Variants in ITGA2 observed in about 807,000 individuals in gnomAD.
The protein encoded by ITGA2 is integrin subunit alpha 2, also known as integrin alpha-2.
A neutral mutation model predicts 146.3 loss-of-function variants in ITGA2; 101 were observed. That is an observed-to-expected ratio of 0.69 (90% confidence interval 0.59 to 0.81). The LOEUF (loss-of-function observed/expected upper bound fraction) is 0.81. Ranked by LOEUF, ITGA2 falls within the 40% of genes least tolerant of loss-of-function variation. ITGA2 has a pLI of 0.00. For synonymous variants in ITGA2, 477 were observed against 487.1 expected (o/e 0.98, Z 0.27); for missense variants, 1,281 against 1,402.7 (o/e 0.91, Z 1.39).
chr5:53,065,949 G>C lies in ITGA2; in HGVS notation c.1915G>C (p.Gly639Arg). Residue 639 changes from glycine to arginine, a missense_variant, in exon 15 of 30, where the codon GGT becomes CGT. Coordinates refer to ENST00000296585, the MANE Select transcript of ITGA2 (RefSeq NM_002203.4). ...GGATTCCATCACCGATGTGTCTATT[G>C]GTGCCTTTGGACAAGTGGTTCAACT... ...NGDSITDVSI[G>R]AFGQVVQLWS... The C allele has an allele frequency of 6.2e-7, 1 of 1,612,020 alleles. No individual in the cohort carries two copies. The highest frequency in any genetic ancestry group is 8.5e-7 in the Non-Finnish European group (1 of 1,178,666).
chr5:53,034,497 G>A (rs1206033968), intron 2 of ITGA2, among the ~76,000 whole-genome samples: 1 of 151,272 alleles, frequency 6.6e-6, no homozygotes, highest in Admixed American at 6.6e-5. Context: ...AAGTTTGTGT[G>A]TGCACCTACA....
chr5:53,059,482 C>A (rs1744802416), intron 10 of ITGA2, among the ~76,000 whole-genome samples: 1 of 151,888 alleles, frequency 6.6e-6, no homozygotes, highest in African/African-American at 2.4e-5. Flanking sequence ...TGTCTCATAT[C>A]CGGCTGTGAG....
At chr5:53,010,841 A>G (rs962822196) in intron 1 of ITGA2, among the ~76,000 whole-genome samples, 9 of 152,118 alleles carry the variant, frequency 5.9e-5, no homozygotes, top group Non-Finnish European at 1.2e-4. Flanking sequence ...GTGGTTAAGG[A>G]TCTTGAGATG....
chr5:53,075,429 T>C (rs1745618211), intron 23 of ITGA2, 125 bp downstream of exon 23: 6 of 812,248 alleles, frequency 7.4e-6, no homozygotes, highest in South Asian at 2.9e-5. Flanking sequence ...TTAAAATTCT[T>C]GTCAACTAAA....
chr5:53,025,816 C>A (rs1742916682), intron 1 of ITGA2, among the ~76,000 whole-genome samples: 1 of 152,154 alleles, frequency 6.6e-6, no homozygotes, highest in African/African-American at 2.4e-5. Context: ...GGCATATTCC[C>A]ATCTCCAGAG....
Position 53,017,760 on chromosome 5 carries a change from T to C in ITGA2, c.65-8988T>C, listed in dbSNP as rs368604777. 1.3e-3 allele frequency among the ~76,000 whole-genome samples: 196 copies of C among 152,110 alleles called. 2 individuals are homozygous for C. In the South Asian group the frequency reaches 0.027, roughly 21 times the overall value. ...CATAGCAGGCTGCCCACACATCAGC[T>C]GGGGGTATGGTAGGATGAGCATGCA... On this transcript the variant is annotated intron_variant, in intron 1 of 29. Transcript: ENST00000296585.
At chr5:53,060,696 G>A (rs766722680) in intron 11 of ITGA2, among the ~76,000 whole-genome samples, 10 of 151,910 alleles carry the variant, frequency 6.6e-5, no homozygotes, top group Non-Finnish European at 1.3e-4. Context: ...AGTCCCACCT[G>A]CAAAGGGAAG....
intron 28 of ITGA2, among the ~76,000 whole-genome samples, chr5:53,088,401 A>C (rs963760493): frequency 2.0e-5 from 3 of 152,104 alleles, no homozygotes; most frequent in Non-Finnish European, 4.4e-5. Context: ...AAAAGTAAAG[A>C]AAGGCTGGGC....
chr5:53,002,200 AT>A (rs940179673), intron 1 of ITGA2, among the ~76,000 whole-genome samples: 4 of 152,212 alleles, frequency 2.6e-5, no homozygotes, highest in East Asian at 1.9e-4. Context: ...AGTATAAAAC[AT>A]TTTTGACCAA....
rs1357271743 is a variant in ITGA2 at position 53,077,625 on chromosome 5, T to C, written c.2826-1147T>C. Among the ~76,000 whole-genome samples the C allele has an allele frequency of 2.6e-5, 4 of 152,096 alleles. No homozygotes were observed. The South Asian group carries it at 6.2e-4, about 24-fold the overall frequency. On this transcript the variant is annotated intron_variant, in intron 23 of 29. Coordinates refer to ENST00000296585, the MANE Select transcript of ITGA2 (RefSeq NM_002203.4). ...AATTCATGCACACACATCCAAGCTT[T>C]CTGTTTCAAATCCTAGTCAGTTTTC...
At chr5:53,057,226 G>A (rs1744682098) in intron 9 of ITGA2, among the ~76,000 whole-genome samples, 1 of 151,896 alleles carries the variant, frequency 6.6e-6, no homozygotes, top group South Asian at 2.1e-4. Flanking sequence ...GGACTTTGGG[G>A]AACATTATTC....
intron 1 of ITGA2, among the ~76,000 whole-genome samples, chr5:53,021,146 T>C (rs2111788822): frequency 6.6e-6 from 1 of 152,330 alleles, no homozygotes; most frequent in South Asian, 2.1e-4. Context: ...CGTTAAGCAC[T>C]GTCATCTTCT....
At position 53,065,846 on chromosome 5, in the gene ITGA2, C is replaced by T. The variant is rs563738326; in HGVS notation, c.1812C>T (p.Ile604=). 1.3e-4 allele frequency: 213 copies of T among 1,611,774 alleles called. 3 individuals are homozygous for T. The South Asian group carries it at 2.1e-3, about 16-fold the overall frequency. ...GTIRTKYSQK[I]LGSDGAFRSH... ...TGTCAAACCTGCTCTTTTAGAAAAT[C>T]TTGGGATCCGATGGAGCCTTTAGGA... Residue 604 remains isoleucine (I), a synonymous_variant, in exon 15 of 30, where the codon ATC becomes ATT. Transcript: ENST00000296585.
In ITGA2 at chr5:53,081,727, C is replaced by T. The variant is rs201144927; in HGVS notation, c.3144+31C>T. 4.6e-5 allele frequency: 65 copies of T among 1,424,344 alleles called. 1 individual carries two copies. In the South Asian group the frequency reaches 7.1e-4, roughly 16 times the overall value. 88.2% of individuals were successfully genotyped at this position (1,424,344 alleles called of 1,614,324 possible). On this transcript the variant is annotated intron_variant, in intron 26 of 29. Coordinates refer to ENST00000296585, the MANE Select transcript of ITGA2 (RefSeq NM_002203.4). ...GACAAGTTAACGTGTGAAAGCTCCCCTCATTCATTTATTTCACCTGTGATC... is the reference window on the plus strand; with the variant it reads ...GACAAGTTAACGTGTGAAAGCTCCCTTCATTCATTTATTTCACCTGTGATC...
intron 16 of ITGA2, among the ~76,000 whole-genome samples, chr5:53,069,215 G>T (rs964450841): frequency 4.0e-5 from 6 of 151,854 alleles, no homozygotes; most frequent in Non-Finnish European, 7.4e-5. Flanking sequence ...CTCAATTTTG[G>T]ACACACGGCC....
intron 2 of ITGA2, among the ~76,000 whole-genome samples, chr5:53,031,035 G>A (rs980916911): frequency 1.3e-5 from 2 of 152,208 alleles, no homozygotes; most frequent in Non-Finnish European, 2.9e-5. Context: ...CAGTCTTCAC[G>A]ACTCTCAGGC....
intron 1 of ITGA2, among the ~76,000 whole-genome samples, chr5:53,004,872 A>T (rs541681955): frequency 7.0e-6 from 1 of 141,942 alleles, no homozygotes; most frequent in South Asian, 2.2e-4. Flanking sequence ...AAAGGCCTAC[A>T]ACTTCTAAGT....
Position 52,989,410 on chromosome 5 carries a change from G to C in ITGA2, c.-59G>C. ...AGGTTCTCGTATCCCTCGGCCAAGG[G>C]TATCCTCTGCAAACCTCTGCAAACC... On this transcript the variant is annotated 5_prime_UTR_variant, in exon 1 of 30. Coordinates refer to ENST00000296585, the MANE Select transcript of ITGA2 (RefSeq NM_002203.4). 3 of 1,562,694 alleles carry C rather than the reference G, an allele frequency of 1.9e-6. No individual in the cohort carries two copies. The East Asian group carries it at 6.7e-5, about 35-fold the overall frequency.
chr5:53,024,932 A>G (rs1742868695), intron 1 of ITGA2, among the ~76,000 whole-genome samples: 1 of 152,200 alleles, frequency 6.6e-6, no homozygotes, highest in Admixed American at 6.5e-5. Context: ...CTATGCATAT[A>G]TAGTAACACA....
Sources: gnomAD v4.1 joint callset for allele counts (sites outside exome capture counted in the v4.1 genomes callset) on GRCh38, gnomAD v4.1.1 for gene constraint, MANE v1.5 for transcripts, NCBI Gene and HGNC (gene_info 2026-07-23, HGNC 2026-07-21) for gene names.